SMYD3: variants seen among roughly 807,000 people sequenced by gnomAD.
SMYD3 encodes the protein histone-lysine N-methyltransferase SMYD3.
In SMYD3, 36 loss-of-function variants were observed where a neutral mutation model predicts 57.7. The ratio of observed to expected loss-of-function variants is 0.62; its 90% confidence interval spans 0.48 to 0.82. The LOEUF (loss-of-function observed/expected upper bound fraction) is 0.82, where lower values mean the gene tolerates loss of function less well. Among genes scored for constraint, SMYD3 ranks in the 40% least tolerant of loss-of-function variants. The pLI is 0.00. For synonymous variants in SMYD3, 211 were observed against 195.0 expected, an observed-to-expected ratio of 1.08 and a Z score of -0.68; for missense variants, 515 against 538.8, an observed-to-expected ratio of 0.96 and a Z score of 0.44.
intron 5 of SMYD3, among the ~76,000 whole-genome samples, chr1:245,956,854 G>T (rs1452932785): frequency 6.6e-6 from 1 of 152,210 alleles, no homozygotes; most frequent in Non-Finnish European, 1.5e-5. Context: ...CCTTTGGTTT[G>T]AACATTGCAT....
At chr1:245,894,557 A>G (rs986514379) in intron 8 of SMYD3, among the ~76,000 whole-genome samples, 1 of 152,128 alleles carries the variant, frequency 6.6e-6, no homozygotes, top group Non-Finnish European at 1.5e-5. Context: ...TCTTCAAGTC[A>G]TCAAGACCAT....
intron 5 of SMYD3, among the ~76,000 whole-genome samples, chr1:246,093,061 A>G (rs963009495): frequency 6.6e-6 from 1 of 152,196 alleles, no homozygotes; most frequent in East Asian, 1.9e-4. Context: ...CCATAATGAG[A>G]TATCATCTCA....
At chr1:246,410,466 A>G (rs943057886) in intron 1 of SMYD3, among the ~76,000 whole-genome samples, 3 of 152,210 alleles carry the variant, frequency 2.0e-5, no homozygotes, top group Non-Finnish European at 4.4e-5. Context: ...TATATGCTGG[A>G]CTACATTTAT....
intron 10 of SMYD3, among the ~76,000 whole-genome samples, chr1:245,824,881 A>T (rs2049390852): frequency 6.6e-6 from 1 of 151,324 alleles, no homozygotes; most frequent in Admixed American, 6.6e-5. Context: ...AAAAAAAAAA[A>T]TTAGTCGGGT....
chr1:245,866,623 T>C (rs1334643681), intron 8 of SMYD3, among the ~76,000 whole-genome samples: 1 of 152,000 alleles, frequency 6.6e-6, no homozygotes, highest in African/African-American at 2.4e-5. Context: ...TCCCAGATAC[T>C]TGGGAGGCTG....
chr1:246,091,241 A>G (rs1428873426), intron 5 of SMYD3, among the ~76,000 whole-genome samples: 1 of 152,170 alleles, frequency 6.6e-6, no homozygotes, highest in African/African-American at 2.4e-5. Context: ...CATCGCTTGA[A>G]GCTGGAAGAG....
At chr1:246,261,072 T>TTG (rs1253747134) in intron 5 of SMYD3, among the ~76,000 whole-genome samples, 1 of 146,306 alleles carries the variant, frequency 6.8e-6, no homozygotes, top group Non-Finnish European at 1.5e-5. Context: ...TGTTGTTGTT[T>TTG]ATTTGAGACG....
At chr1:245,892,129 G>A (rs1048111779) in intron 8 of SMYD3, among the ~76,000 whole-genome samples, 9 of 152,120 alleles carry the variant, frequency 5.9e-5, no homozygotes, top group Admixed American at 2.0e-4. Flanking sequence ...AAAAAAAGGG[G>A]GAAGAAAGCA....
chr1:246,394,274 C>T (rs906253036), intron 1 of SMYD3, among the ~76,000 whole-genome samples: 2 of 152,176 alleles, frequency 1.3e-5, no homozygotes, highest in African/African-American at 4.8e-5. Flanking sequence ...TATTCATTTC[C>T]TTTAAGAATA....
intron 5 of SMYD3, among the ~76,000 whole-genome samples, chr1:245,961,883 A>G (rs897186159): frequency 6.6e-6 from 1 of 152,226 alleles, no homozygotes; most frequent in African/African-American, 2.4e-5. Flanking sequence ...CCCAGAATAC[A>G]GTAAGCTGCC....
At chr1:246,379,077 T>TACACACACAC (rs1256292141) in intron 1 of SMYD3, among the ~76,000 whole-genome samples, 27 of 66,902 alleles carry the variant, frequency 4.0e-4, no homozygotes, top group Admixed American at 3.3e-3. Context: ...TACACACACA[T>TACACACACAC]ACATACACAC....
chr1:245,877,197 T>C lies in SMYD3; in HGVS notation c.814-13311A>G, dbSNP rs76948267. On this transcript the variant is annotated intron_variant, in intron 8 of 11. Coordinates refer to ENST00000490107, the MANE Select transcript of SMYD3 (RefSeq NM_001167740.2). Reference sequence around the variant, plus strand: ...GCTGCCCTACTAGGTCTGCAGTTACTTGCTGTTCAGAGGCTGCTTTTCCTT... The same window carrying C: ...GCTGCCCTACTAGGTCTGCAGTTACCTGCTGTTCAGAGGCTGCTTTTCCTT... Among the ~76,000 whole-genome samples, 534 of 152,352 alleles carry C rather than the reference T, an allele frequency of 3.5e-3. 7 individuals carry two copies. The East Asian group carries it at 0.048, about 14-fold the overall frequency.
intron 5 of SMYD3, among the ~76,000 whole-genome samples, chr1:246,150,960 T>C (rs746129381): frequency 6.6e-6 from 1 of 152,182 alleles, no homozygotes; most frequent in African/African-American, 2.4e-5. Flanking sequence ...TCATAAAATA[T>C]TCCTTGGCTG....
At chr1:245,929,220 T>A (rs1057234021) in intron 6 of SMYD3, among the ~76,000 whole-genome samples, 14 of 152,244 alleles carry the variant, frequency 9.2e-5, no homozygotes, top group African/African-American at 3.4e-4. Flanking sequence ...AGACCTGACC[T>A]ACAGTTAATG....
At chr1:245,952,847 C>A (rs1400622125) in intron 5 of SMYD3, among the ~76,000 whole-genome samples, 1 of 152,178 alleles carries the variant, frequency 6.6e-6, no homozygotes, top group East Asian at 1.9e-4. Flanking sequence ...TCCCCACATA[C>A]CCTCAAGTGC....
chr1:246,430,320 G>C (rs2067277698), intron 1 of SMYD3, among the ~76,000 whole-genome samples: 1 of 152,228 alleles, frequency 6.6e-6, no homozygotes, highest in Non-Finnish European at 1.5e-5. Context: ...TAACATCAGA[G>C]CTGCCTGGGC....
intron 5 of SMYD3, among the ~76,000 whole-genome samples, chr1:246,096,913 T>C (rs929510551): frequency 4.6e-5 from 7 of 152,216 alleles, no homozygotes; most frequent in African/African-American, 1.7e-4. Context: ...CCTGCTAGTT[T>C]CTAGATATTA....
intron 5 of SMYD3, among the ~76,000 whole-genome samples, chr1:246,218,932 T>C (rs1273560789): frequency 6.6e-6 from 1 of 152,178 alleles, no homozygotes; most frequent in African/African-American, 2.4e-5. Flanking sequence ...ATGACCAACG[T>C]TGTCAATTCT....
intron 5 of SMYD3, among the ~76,000 whole-genome samples, chr1:246,115,024 G>A (rs1439605363): frequency 6.6e-6 from 1 of 152,244 alleles, no homozygotes; most frequent in African/African-American, 2.4e-5. Context: ...TAGAAGCCAG[G>A]CGGAGCCTGA....
Sources: allele counts gnomAD v4.1 joint callset (sites outside exome capture counted in the v4.1 genomes callset), GRCh38; gene constraint gnomAD v4.1.1; transcripts MANE v1.5; gene names NCBI Gene and HGNC (gene_info 2026-07-23, HGNC 2026-07-21).